The following CNTN3 variants were observed in gnomAD, a reference collection of about 807,000 sequenced individuals.
CNTN3 encodes the protein contactin-3.
A neutral mutation model predicts 119.1 loss-of-function variants in CNTN3; 60 were observed. The observed-to-expected ratio is 0.50, with a 90% CI of 0.41 to 0.62. The LOEUF is 0.62. CNTN3 is among the 20% of genes least tolerant of loss of function. CNTN3 has a pLI of 0.00. For missense variants in CNTN3, 1,101 were observed against 1,242.4 expected, an observed-to-expected ratio of 0.89 and a Z score of 1.71; for synonymous variants, 450 against 438.7, an observed-to-expected ratio of 1.03 and a Z score of -0.32.
rs753668432 is a variant in CNTN3, at chr3:74,299,871, C to T, written c.2163G>A (p.Trp721Ter). ...AAGATGCTGCCCAAACACTTACATC[C>T]CAGGTTATCACAAGTTCAGACCGGC... ...GGSRSELVIT[W>*]DPVPEELQNG... Residue 721 changes from tryptophan to a stop codon, truncating the protein, a stop_gained, in exon 17 of 23, where the codon TGG becomes TGA. Transcript: ENST00000263665. LOFTEE classifies it high-confidence loss of function. 6.2e-7 allele frequency: 1 copy of T among 1,606,624 alleles called. No individual in the cohort carries two copies.
intron 1 of CNTN3, among the ~76,000 whole-genome samples, chr3:74,549,655 C>G (rs2107158276): frequency 6.6e-6 from 1 of 152,126 alleles, no homozygotes; most frequent in South Asian, 2.1e-4. Flanking sequence ...CCAGTTAGGC[C>G]TCTTCTGAAT....
intron 4 of CNTN3, among the ~76,000 whole-genome samples, chr3:74,451,525 C>G (rs1702155735): frequency 6.6e-6 from 1 of 152,068 alleles, no homozygotes; most frequent in African/African-American, 2.4e-5. Flanking sequence ...TTAATTAGAT[C>G]CCATTTGTCA....
In CNTN3 at chr3:74,383,551, T is replaced by A. The variant is rs546891319; in HGVS notation, c.455-12152A>T. ...CCCAGGCAGGAGTGTGATGGCAAGA[T>A]CATGGCTCACTGCAGTCTTGGCCTC... On this transcript the variant is annotated intron_variant, in intron 5 of 22. Transcript: ENST00000263665. Among the ~76,000 whole-genome samples, 180 of 152,278 alleles carry A rather than the reference T, an allele frequency of 1.2e-3. 1 individual carries two copies. Among genetic ancestry groups the A allele is most frequent in the East Asian group, 1.5e-3 (8 of 5,176 alleles).
chr3:74,483,837 A>T (rs1483970064), intron 4 of CNTN3, among the ~76,000 whole-genome samples: 1 of 152,026 alleles, frequency 6.6e-6, no homozygotes, highest in Non-Finnish European at 1.5e-5. Flanking sequence ...CCCATCCCTC[A>T]TTCAACAACT....
At chr3:74,354,816 C>T (rs959412484) in intron 11 of CNTN3, among the ~76,000 whole-genome samples, 2 of 151,478 alleles carry the variant, frequency 1.3e-5, no homozygotes, top group Admixed American at 6.6e-5. Context: ...GGTGACTTGG[C>T]ATTTATTTAA....
At chr3:74,543,187 C>T (rs1345299740) in intron 1 of CNTN3, among the ~76,000 whole-genome samples, 6 of 151,954 alleles carry the variant, frequency 3.9e-5, no homozygotes, top group Admixed American at 3.9e-4. Flanking sequence ...GCAGAAAGTA[C>T]ATGAAATGCA....
intron 14 of CNTN3, 140 bp downstream of exon 14, chr3:74,302,550 A>G (rs968242685): frequency 1.7e-6 from 1 of 598,068 alleles, no homozygotes; most frequent in African/African-American, 1.9e-5. Context: ...CCCTATTGTC[A>G]TATTCTGTGG....
chr3:74,396,330 G>A (rs1002754175), intron 5 of CNTN3, among the ~76,000 whole-genome samples: 1 of 152,128 alleles, frequency 6.6e-6, no homozygotes, highest in African/African-American at 2.4e-5. Context: ...GAAAATTAAA[G>A]GTGCTACTCC....
rs747914015 is a variant in CNTN3, at chr3:74,369,330, A to G, written c.805T>C (p.Phe269Leu). The G allele has an allele frequency of 6.2e-7, 1 of 1,608,118 alleles. No individual in the cohort carries two copies. Among genetic ancestry groups the G allele is most frequent in the Non-Finnish European group, 8.5e-7 (1 of 1,177,286 alleles). The change falls in exon 8 of 23, where the codon TTT becomes CTT. Residue 269 changes from phenylalanine to leucine, a missense_variant. By Grantham distance (22) the Phe-to-Leu change is conservative. Transcript: ENST00000263665. ...INWRRSDGLPFSSKIKLRKFS... is the reference protein window; with the variant it reads ...INWRRSDGLPLSSKIKLRKFS... Reference sequence around the variant, plus strand: ...TTCCTTAATTTAATTTTGCTGGAAAATGGCAGCCCATCACTTCTTCTCCAA... The same window carrying G: ...TTCCTTAATTTAATTTTGCTGGAAAGTGGCAGCCCATCACTTCTTCTCCAA...
At position 74,369,279 on chromosome 3, in the gene CNTN3, T is replaced by C; in HGVS notation, c.856A>G (p.Asn286Asp). 1 of 1,611,630 alleles carries C rather than the reference T, an allele frequency of 6.2e-7. No individual in the cohort carries two copies. Among genetic ancestry groups the C allele is most frequent in the Non-Finnish European group, 8.5e-7 (1 of 1,178,844 alleles). ...GAACCTGCATCTTCCTGTTGGAAGTTGGGGATTTCAAGCACACCACTGAAC... is the reference window on the plus strand; with the variant it reads ...GAACCTGCATCTTCCTGTTGGAAGTCGGGGATTTCAAGCACACCACTGAAC... ...RKFSGVLEIP[N>D]FQQEDAGSYE... is the part of the protein sequence containing the mutation. Residue 286 changes from asparagine to aspartate, a missense_variant, in exon 8 of 23, where the codon AAC becomes GAC. Transcript: ENST00000263665.
At chr3:74,361,002 A>G (rs967129879) in intron 11 of CNTN3, among the ~76,000 whole-genome samples, 1 of 152,094 alleles carries the variant, frequency 6.6e-6, no homozygotes, top group African/African-American at 2.4e-5. Context: ...ACCTTTTGCC[A>G]TGTAATATAA....
intron 21 of CNTN3, among the ~76,000 whole-genome samples, chr3:74,266,914 T>G (rs1701671679): frequency 6.6e-6 from 1 of 152,074 alleles, no homozygotes; most frequent in African/African-American, 2.4e-5. Flanking sequence ...GCTGGAGAGA[T>G]AAGGCAGGGC....
intron 1 of CNTN3, among the ~76,000 whole-genome samples, chr3:74,574,411 T>C (rs958711160): frequency 3.9e-5 from 6 of 152,188 alleles, no homozygotes; most frequent in South Asian, 2.1e-4. Flanking sequence ...ACCCACAGAA[T>C]TGTGCACTTT....
chr3:74,348,018 C>T (rs1032251788), intron 11 of CNTN3, among the ~76,000 whole-genome samples: 1 of 152,102 alleles, frequency 6.6e-6, no homozygotes, highest in African/African-American at 2.4e-5. Context: ...ATGGTGATTG[C>T]CTGGAGCTGG....
chr3:74,435,593 T>C (rs1037039412), intron 4 of CNTN3, among the ~76,000 whole-genome samples: 1 of 152,174 alleles, frequency 6.6e-6, no homozygotes, highest in Non-Finnish European at 1.5e-5. Flanking sequence ...GTATGCTTCA[T>C]CCACACTGAG....
At chr3:74,557,471 A>G (rs554773678) in intron 1 of CNTN3, among the ~76,000 whole-genome samples, 127 of 152,298 alleles carry the variant, frequency 8.3e-4, no homozygotes, top group African/African-American at 2.8e-3. Context: ...ACCCTGAGTC[A>G]ATGACTAGTA....
At chr3:74,516,645 G>A (rs1372523062) in intron 2 of CNTN3, among the ~76,000 whole-genome samples, 1 of 150,562 alleles carries the variant, frequency 6.6e-6, no homozygotes. Context: ...TTGGGGGGAT[G>A]GTCAACACAC....
chr3:74,470,538 G>T (rs1702540792), intron 4 of CNTN3, among the ~76,000 whole-genome samples: 1 of 151,982 alleles, frequency 6.6e-6, no homozygotes, highest in African/African-American at 2.4e-5. Context: ...ACCTGGGCCC[G>T]GCTCCCTAAG....
intron 13 of CNTN3, among the ~76,000 whole-genome samples, chr3:74,323,224 GGT>G (rs145820897): frequency 2.0e-5 from 3 of 152,056 alleles, no homozygotes; most frequent in African/African-American, 7.2e-5. Context: ...AGTTGAGGAG[GGT>G]GTGTGTGTGG....
Sources: gnomAD v4.1 joint callset for allele counts (sites outside exome capture counted in the v4.1 genomes callset) on GRCh38, gnomAD v4.1.1 for gene constraint, MANE v1.5 for transcripts, NCBI Gene and HGNC (gene_info 2026-07-23, HGNC 2026-07-21) for gene names.